WNK3: variants seen among roughly 807,000 people sequenced by gnomAD.
The protein encoded by WNK3 is serine/threonine-protein kinase WNK3.
In WNK3, 18 loss-of-function variants were observed where a neutral mutation model predicts 116.7. The observed-to-expected ratio is 0.15, with a 90% CI of 0.11 to 0.23. The LOEUF (loss-of-function observed/expected upper bound fraction) is 0.23. Among genes scored for constraint, WNK3 ranks in the 10% least tolerant of loss-of-function variants. The pLI is 1.00. For synonymous variants in WNK3, 404 were observed against 469.4 expected, an observed-to-expected ratio of 0.86 and a Z score of 1.80; for missense variants, 993 against 1,323.8, an observed-to-expected ratio of 0.75 and a Z score of 3.88.
exon 8 of WNK3, chrX:54,294,616 C>G: frequency 1.7e-6 from 2 of 1,204,216 alleles, no homozygotes; most frequent in Non-Finnish European, 1.1e-6. Context: ...ACATGTTGAT[C>G]AACTTCAGTT....
intron 2 of WNK3, among the ~76,000 whole-genome samples, chrX:54,329,964 C>T (rs2069148842): frequency 8.9e-6 from 1 of 111,901 alleles, no homozygotes; most frequent in African/African-American, 3.2e-5. Flanking sequence ...CCTTGGCAGG[C>T]TACAGTGGCT....
intron 1 of WNK3, among the ~76,000 whole-genome samples, chrX:54,344,411 G>A (rs782527357): frequency 6.3e-5 from 7 of 110,818 alleles, no homozygotes; most frequent in African/African-American, 2.0e-4. Flanking sequence ...CTGCACTCCA[G>A]CCTGGGTGAC....
intron 1 of WNK3, among the ~76,000 whole-genome samples, chrX:54,340,466 C>T (rs1358632227): frequency 2.7e-5 from 3 of 110,199 alleles, no homozygotes; most frequent in Non-Finnish European, 3.8e-5. Context: ...AAAAATTAGC[C>T]GGGCAGTAGT....
intron 1 of WNK3, among the ~76,000 whole-genome samples, chrX:54,339,807 C>T (rs1196783531): frequency 9.0e-6 from 1 of 111,670 alleles, no homozygotes; most frequent in Non-Finnish European, 1.9e-5. Flanking sequence ...CTCAGTAACT[C>T]GGGTCAGACA....
At chrX:54,347,515 T>C (rs782442720) in intron 1 of WNK3, among the ~76,000 whole-genome samples, 1 of 108,776 alleles carries the variant, frequency 9.2e-6, no homozygotes, top group Non-Finnish European at 1.9e-5. Context: ...GCCAGGCATG[T>C]AGTATGCGCC....
At chrX:54,312,495 T>C (rs1290776980) in intron 2 of WNK3, among the ~76,000 whole-genome samples, 2 of 110,484 alleles carry the variant, frequency 1.8e-5, no homozygotes, top group African/African-American at 6.6e-5. Context: ...TGGAGTGCAG[T>C]GGTGCGATCT....
Position 54,318,926 on chromosome X carries a change from C to T in WNK3, c.538-7635G>A, listed in dbSNP as rs56085140. On this transcript the variant is annotated intron_variant, in intron 2 of 23. Coordinates refer to ENST00000354646, the Ensembl canonical transcript of WNK3. ...CCCAGTAGCTGGGATTACAGGTGCC[C>T]GCCATCACGCCTGACTAATTTTTGT... Among the ~76,000 whole-genome samples, 707 of 109,172 alleles carry T rather than the reference C, an allele frequency of 6.5e-3. 5 individuals carry two copies. The highest frequency in any genetic ancestry group is 1.0e-2 in the Non-Finnish European group (523 of 52,460). 94.8% of individuals were successfully genotyped at this position (109,172 alleles called of 115,157 possible). A position where few individuals can be genotyped will look rare whatever the true frequency, so the allele number is the denominator to read the frequency against.
At chrX:54,342,253 T>G (rs1004493542) in intron 1 of WNK3, among the ~76,000 whole-genome samples, 5 of 95,038 alleles carry the variant, frequency 5.3e-5, no homozygotes, top group African/African-American at 2.0e-4. Flanking sequence ...CAGAGAGAGA[T>G]TCTGCCTATA....
At chrX:54,261,043 G>A (rs1057106854) in intron 10 of WNK3, among the ~76,000 whole-genome samples, 9 of 109,846 alleles carry the variant, frequency 8.2e-5, no homozygotes, top group Non-Finnish European at 1.1e-4. Context: ...TTTCACTTTT[G>A]TTTAAAACTG....
At chrX:54,278,335 T>C (rs906501635) in intron 10 of WNK3, among the ~76,000 whole-genome samples, 1 of 109,706 alleles carries the variant, frequency 9.1e-6, no homozygotes, top group Non-Finnish European at 1.9e-5. Flanking sequence ...ATACAATTAC[T>C]ATCAAAATCC....
chrX:54,254,544 G>A (rs1054133721), intron 12 of WNK3, among the ~76,000 whole-genome samples: 6 of 111,544 alleles, frequency 5.4e-5, no homozygotes, highest in African/African-American at 1.6e-4. Context: ...CCATGAATCC[G>A]TCTCCTATGG....
At chrX:54,277,379 C>T (rs2068461699) in intron 10 of WNK3, among the ~76,000 whole-genome samples, 1 of 107,872 alleles carries the variant, frequency 9.3e-6, no homozygotes, top group African/African-American at 3.4e-5. Flanking sequence ...TGCTCTATTG[C>T]CAGGCTGGAG....
chrX:54,312,790 C>T (rs995923920), intron 2 of WNK3, among the ~76,000 whole-genome samples: 9 of 111,150 alleles, frequency 8.1e-5, no homozygotes, highest in Non-Finnish European at 1.3e-4. Flanking sequence ...TCATCAGGTA[C>T]ATTAATCGTT....
chrX:54,321,874 C>T (rs1434464819), intron 2 of WNK3, among the ~76,000 whole-genome samples: 9 of 108,168 alleles, frequency 8.3e-5, no homozygotes, highest in African/African-American at 3.0e-4. Flanking sequence ...GCAGGAAATT[C>T]GCTTGACCCG....
intron 2 of WNK3, among the ~76,000 whole-genome samples, chrX:54,323,696 C>T (rs1020127806): frequency 2.7e-5 from 3 of 111,144 alleles, no homozygotes; most frequent in African/African-American, 9.8e-5. Context: ...TTTAAACAAA[C>T]CTATATTAAA....
chrX:54,288,346 G>A (rs1181609668), intron 10 of WNK3, among the ~76,000 whole-genome samples: 1 of 111,712 alleles, frequency 9.0e-6, no homozygotes, highest in Non-Finnish European at 1.9e-5. Context: ...TTAGGTGCCT[G>A]TCAATGAGGT....
rs1439553913 is a variant in WNK3 at position 54,220,791 on chromosome X, A to T, written c.4870+7923T>A. ...CTGAAAAGGAAGCATCAATAAAGAGAAGAGTTTTAAATAGCTAGCTATTTT... is the reference window on the plus strand; with the variant it reads ...CTGAAAAGGAAGCATCAATAAAGAGTAGAGTTTTAAATAGCTAGCTATTTT... On this transcript the variant is annotated intron_variant, in intron 22 of 23. Transcript: ENST00000354646. Among the ~76,000 whole-genome samples the T allele has an allele frequency of 1.3e-4, 14 of 110,841 alleles. No homozygotes were observed. In the East Asian group the frequency reaches 4.0e-3, roughly 31 times the overall value.
At chrX:54,229,194 A>C (rs1212635035) in intron 21 of WNK3, among the ~76,000 whole-genome samples, 1 of 111,041 alleles carries the variant, frequency 9.0e-6, no homozygotes, top group Non-Finnish European at 1.9e-5. Flanking sequence ...AGGTATAAAT[A>C]AATCGAAACA....
chrX:54,216,307 A>ATATG (rs1184473493), intron 22 of WNK3, among the ~76,000 whole-genome samples: 7 of 106,469 alleles, frequency 6.6e-5, no homozygotes, highest in Non-Finnish European at 1.2e-4. Context: ...ATATATATAT[A>ATATG]TATATATTTT....
Sources: allele counts gnomAD v4.1 joint callset (sites outside exome capture counted in the v4.1 genomes callset), GRCh38; gene constraint gnomAD v4.1.1; transcripts MANE v1.5; gene names NCBI Gene and HGNC (gene_info 2026-07-23, HGNC 2026-07-21).